CHN2: variants seen among roughly 807,000 people sequenced by gnomAD.
The protein encoded by CHN2 is chimerin 2, also known as beta-chimaerin.
Under a neutral mutation model 56.3 loss-of-function variants are expected in CHN2, and 35 were observed. The ratio of observed to expected loss-of-function variants is 0.62; its 90% confidence interval spans 0.47 to 0.82. The LOEUF is 0.82. Among genes scored for constraint, CHN2 ranks in the 40% least tolerant of loss-of-function variants. CHN2 has a pLI of 0.00. For missense variants in CHN2, 491 were observed against 580.5 expected (o/e 0.85, Z 1.58); for synonymous variants, 210 against 212.8 (o/e 0.99, Z 0.12).
chr7:29,180,394 G>A (rs564376133), intron 2 of CHN2, among the ~76,000 whole-genome samples: 25 of 152,172 alleles, frequency 1.6e-4, no homozygotes, highest in African/African-American at 6.0e-4. Flanking sequence ...AGGCGTGGTG[G>A]CACATGCCTG....
chr7:29,363,223 C>T lies in CHN2; in HGVS notation c.89-4709C>T, dbSNP rs529667648. On this transcript the variant is annotated intron_variant, in intron 2 of 12. Transcript: ENST00000222792. ...CTACAAGGCTGAGCGTGGTGGCTCA[C>T]GCCTCTAATCCCAGTGCTTTGGGAG... Among the ~76,000 whole-genome samples the T allele has an allele frequency of 7.9e-5, 12 of 152,338 alleles. No individual in the cohort carries two copies. In the South Asian group the frequency reaches 1.9e-3, roughly 24 times the overall value.
intron 6 of CHN2, among the ~76,000 whole-genome samples, chr7:29,409,510 C>G (rs1396699039): frequency 6.6e-6 from 1 of 152,124 alleles, no homozygotes; most frequent in Non-Finnish European, 1.5e-5. Flanking sequence ...TAAAAGAAGA[C>G]AGCTGGCTTC....
intron 2 of CHN2, among the ~76,000 whole-genome samples, chr7:29,358,493 C>T (rs1157147442): frequency 2.6e-5 from 4 of 152,120 alleles, no homozygotes; most frequent in South Asian, 4.2e-4. Context: ...GATGGAGTCT[C>T]GCTCTTTCAC....
At chr7:29,248,414 A>G (rs1788237940) in intron 1 of CHN2, among the ~76,000 whole-genome samples, 1 of 152,156 alleles carries the variant, frequency 6.6e-6, no homozygotes, top group African/African-American at 2.4e-5. Context: ...TGCAGCTTTC[A>G]GTTCTTCCTC....
chr7:29,445,089 G>A (rs1783934882), intron 6 of CHN2: 1 of 455,168 alleles, frequency 2.2e-6, no homozygotes, highest in Non-Finnish European at 4.4e-6. Flanking sequence ...GGTATGTTTG[G>A]TTAGTCATTC....
chr7:29,166,944 A>C (rs1344275323), intron 2 of CHN2, among the ~76,000 whole-genome samples: 1 of 151,880 alleles, frequency 6.6e-6, no homozygotes, highest in Non-Finnish European at 1.5e-5. Context: ...TTCTGTTTCC[A>C]TTGACTGATT....
chr7:29,223,118 G>C (rs977601011), intron 1 of CHN2, among the ~76,000 whole-genome samples: 5 of 152,096 alleles, frequency 3.3e-5, no homozygotes, highest in African/African-American at 4.8e-5. Flanking sequence ...AACACTATTA[G>C]TCATGAGAGA....
At chr7:29,246,684 C>G (rs1788103369) in intron 1 of CHN2, among the ~76,000 whole-genome samples, 1 of 152,206 alleles carries the variant, frequency 6.6e-6, no homozygotes, top group African/African-American at 2.4e-5. Flanking sequence ...GGCTTATAAA[C>G]AACAGAAATT....
chr7:29,458,677 G>C (rs1347109174), intron 6 of CHN2, among the ~76,000 whole-genome samples: 1 of 152,182 alleles, frequency 6.6e-6, no homozygotes, highest in Non-Finnish European at 1.5e-5. Flanking sequence ...GGTTGCAGCA[G>C]TCAAGACACC....
At chr7:29,362,791 C>T (rs977205759) in intron 2 of CHN2, among the ~76,000 whole-genome samples, 1 of 152,190 alleles carries the variant, frequency 6.6e-6, no homozygotes, top group Non-Finnish European at 1.5e-5. Flanking sequence ...ATAGCTTCCT[C>T]CTCTTCCCCT....
At chr7:29,418,979 C>A (rs1051206840) in intron 6 of CHN2, among the ~76,000 whole-genome samples, 1 of 152,086 alleles carries the variant, frequency 6.6e-6, no homozygotes, top group African/African-American at 2.4e-5. Flanking sequence ...AACTGAAATT[C>A]TGGATTTTGA....
intron 6 of CHN2, among the ~76,000 whole-genome samples, chr7:29,476,563 A>T (rs200528021): frequency 1.3e-3 from 8 of 6,182 alleles, no homozygotes; most frequent in African/African-American, 2.5e-3. Flanking sequence ...ATAAAAATTA[A>T]AAAAAAAAAA....
intron 2 of CHN2, among the ~76,000 whole-genome samples, chr7:29,185,928 G>GA (rs1171590186): frequency 6.6e-6 from 1 of 152,174 alleles, no homozygotes; most frequent in Non-Finnish European, 1.5e-5. Context: ...AGCTTTTAGG[G>GA]ATAGGGAAAC....
In CHN2 at chr7:29,491,502, G is replaced by A. The variant is rs1788666407; in HGVS notation, c.655-4450G>A. ...TAGCTCATTTTAGCCCTGGACACCT[G>A]GGCTCAAGCCATCCTCCCATGTCAG... On this transcript the variant is annotated intron_variant, in intron 7 of 12. Transcript: ENST00000222792. Among the ~76,000 whole-genome samples the A allele has an allele frequency of 2.6e-5, 4 of 152,122 alleles. No homozygotes were observed. In the South Asian group the frequency reaches 8.3e-4, roughly 32 times the overall value.
At chr7:29,337,688 A>C (rs1287735142) in intron 1 of CHN2, among the ~76,000 whole-genome samples, 1 of 152,218 alleles carries the variant, frequency 6.6e-6, no homozygotes, top group Non-Finnish European at 1.5e-5. Flanking sequence ...TGATAAATGC[A>C]TGCTAATGCA....
chr7:29,336,756 T>A, intron 1 of CHN2, among the ~76,000 whole-genome samples: 1 of 67,782 alleles, frequency 1.5e-5, no homozygotes, highest in Admixed American at 2.0e-4. Flanking sequence ...CAAGATTCTG[T>A]CTCAAAAAAA....
At chr7:29,324,493 GA>G (rs779794332) in intron 1 of CHN2, among the ~76,000 whole-genome samples, 2 of 152,124 alleles carry the variant, frequency 1.3e-5, no homozygotes, top group Non-Finnish European at 2.9e-5. Context: ...TTTTCTCACT[GA>G]TAGAATTTTT....
intron 4 of CHN2, among the ~76,000 whole-genome samples, chr7:29,396,459 C>CAAAAAAAAAAA (rs35163855): frequency 3.4e-4 from 19 of 56,528 alleles, no homozygotes; most frequent in African/African-American, 1.4e-3. Context: ...AGACTCTCTC[C>CAAAAAAAAAAA]AAAAAAAAAA....
At chr7:29,238,402 A>G (rs1260559563) in intron 1 of CHN2, among the ~76,000 whole-genome samples, 1 of 152,168 alleles carries the variant, frequency 6.6e-6, no homozygotes, top group African/African-American at 2.4e-5. Context: ...ACCATTAAAT[A>G]CTTTTGCATG....
Sources: gnomAD v4.1 joint callset for allele counts (sites outside exome capture counted in the v4.1 genomes callset) on GRCh38, gnomAD v4.1.1 for gene constraint, MANE v1.5 for transcripts, NCBI Gene and HGNC (gene_info 2026-07-23, HGNC 2026-07-21) for gene names.